GHR: variants seen among roughly 807,000 people sequenced by gnomAD.
GHR encodes the protein growth hormone receptor, also known as GH receptor.
Under a neutral mutation model 67.1 loss-of-function variants are expected in GHR, and 35 were observed. The observed-to-expected ratio is 0.52, with a 90% CI of 0.40 to 0.69. The LOEUF (loss-of-function observed/expected upper bound fraction) is 0.69, where lower values mean the gene tolerates loss of function less well. Among genes scored for constraint, GHR ranks in the 30% least tolerant of loss-of-function variants. The pLI, the probability that GHR is intolerant of heterozygous loss-of-function variation, is 0.00. For synonymous variants in GHR, 272 were observed against 269.1 expected (o/e 1.01, Z -0.10); for missense variants, 792 against 764.6 (o/e 1.04, Z -0.42).
chr5:42,711,362 A>T lies in GHR; in HGVS notation c.774A>T (p.Thr258=), dbSNP rs2111818798. ...CACTTCCTCAGATGAGCCAATTTAC[A>T]TGTGAAGAAGGTAAAAGAAATAAAA... ...YVTLPQMSQF[T]CEEDFYFPWL... The change falls in exon 7 of 10, where the codon ACA becomes ACT. Residue 258 remains threonine (T), a synonymous_variant. Coordinates refer to ENST00000230882, the MANE Select transcript of GHR (RefSeq NM_000163.5). The T allele has an allele frequency of 6.2e-7, 1 of 1,609,956 alleles. No individual in the cohort carries two copies. Among genetic ancestry groups the T allele is most frequent in the South Asian group, 1.1e-5 (1 of 90,998 alleles).
chr5:42,551,310 G>A (rs981752156), intron 1 of GHR, among the ~76,000 whole-genome samples: 1 of 152,214 alleles, frequency 6.6e-6, no homozygotes, highest in African/African-American at 2.4e-5. Flanking sequence ...AAAAAACAAT[G>A]TAGGCACAGA....
At chr5:42,579,141 GATAGATAGAT>G (rs1750992156) in intron 2 of GHR, among the ~76,000 whole-genome samples, 3 of 32,254 alleles carry the variant, frequency 9.3e-5, no homozygotes, top group Non-Finnish European at 1.4e-4. Context: ...ATAGATAGAT[GATAGATAGAT>G]ATAGATAGAT....
chr5:42,664,281 G>A (rs1447614099), intron 3 of GHR, among the ~76,000 whole-genome samples: 4 of 152,120 alleles, frequency 2.6e-5, no homozygotes, highest in African/African-American at 7.2e-5. Context: ...AGCCTGCATC[G>A]CCAAGTCAAT....
At chr5:42,715,436 C>G (rs1465812564) in intron 8 of GHR, among the ~76,000 whole-genome samples, 1 of 152,132 alleles carries the variant, frequency 6.6e-6, no homozygotes, top group African/African-American at 2.4e-5. Context: ...ATTCATTATC[C>G]AACCCACTTC....
At chr5:42,670,384 A>G (rs1188348258) in intron 3 of GHR, among the ~76,000 whole-genome samples, 1 of 152,228 alleles carries the variant, frequency 6.6e-6, no homozygotes, top group Non-Finnish European at 1.5e-5. Flanking sequence ...AATAGATTAA[A>G]GACTTAAACA....
chr5:42,607,409 G>A (rs1261781837), intron 2 of GHR, among the ~76,000 whole-genome samples: 4 of 152,264 alleles, frequency 2.6e-5, no homozygotes, highest in Middle Eastern at 3.4e-3. Context: ...GATGTGCCTG[G>A]GTGGTGCTAT....
At chr5:42,501,836 C>T (rs1295263944) in intron 1 of GHR, among the ~76,000 whole-genome samples, 1 of 152,174 alleles carries the variant, frequency 6.6e-6, no homozygotes, top group Non-Finnish European at 1.5e-5. Context: ...AAAATAAGCT[C>T]TTCCACAAAC....
At chr5:42,608,413 A>G (rs948884582) in intron 2 of GHR, among the ~76,000 whole-genome samples, 3 of 152,140 alleles carry the variant, frequency 2.0e-5, no homozygotes, top group African/African-American at 7.2e-5. Flanking sequence ...AAATTTATTT[A>G]GTAACCCCTA....
intron 1 of GHR, among the ~76,000 whole-genome samples, chr5:42,519,538 T>G (rs1747383895): frequency 2.0e-5 from 3 of 152,206 alleles, no homozygotes; most frequent in African/African-American, 7.2e-5. Context: ...AAGAGAAGAT[T>G]CTGCAAATTC....
At chr5:42,597,177 T>A (rs1350570458) in intron 2 of GHR, among the ~76,000 whole-genome samples, 1 of 152,092 alleles carries the variant, frequency 6.6e-6, no homozygotes, top group African/African-American at 2.4e-5. Context: ...AAGTTACCAA[T>A]GTGATTGAAA....
At position 42,610,754 on chromosome 5, in the gene GHR, G is replaced by C. The variant is rs184441420; in HGVS notation, c.71-18284G>C. 1.5e-4 allele frequency among the ~76,000 whole-genome samples: 23 copies of C among 152,262 alleles called. No individual in the cohort carries two copies. In the East Asian group the frequency reaches 2.5e-3, roughly 17 times the overall value. ...AGGTAGGGAGGGAGGGAAAGTCTTAGACATCAGTGCAGTGCCAAGAAAGTT... is the reference window on the plus strand; with the variant it reads ...AGGTAGGGAGGGAGGGAAAGTCTTACACATCAGTGCAGTGCCAAGAAAGTT... On this transcript the variant is annotated intron_variant, in intron 2 of 9. Transcript: ENST00000230882.
chr5:42,614,733 G>A (rs1329391650), intron 2 of GHR, among the ~76,000 whole-genome samples: 1 of 151,834 alleles, frequency 6.6e-6, no homozygotes, highest in East Asian at 1.9e-4. Flanking sequence ...TTTCAAATGT[G>A]GTGGGAGTAT....
At chr5:42,522,240 C>A (rs190612506) in intron 1 of GHR, among the ~76,000 whole-genome samples, 1 of 152,214 alleles carries the variant, frequency 6.6e-6, no homozygotes, top group Admixed American at 6.5e-5. Context: ...TGCCGAATTT[C>A]TGTACAAGAA....
intron 1 of GHR, among the ~76,000 whole-genome samples, chr5:42,444,901 C>A (rs921816323): frequency 6.6e-6 from 1 of 152,076 alleles, no homozygotes; most frequent in African/African-American, 2.4e-5. Context: ...TTAAGACTCG[C>A]GATTTCTCTC....
At chr5:42,516,474 C>T (rs1446935068) in intron 1 of GHR, among the ~76,000 whole-genome samples, 3 of 151,992 alleles carry the variant, frequency 2.0e-5, no homozygotes, top group Non-Finnish European at 4.4e-5. Flanking sequence ...TTCAGGGTTC[C>T]CTTTTGCAAC....
intron 6 of GHR, among the ~76,000 whole-genome samples, chr5:42,701,514 A>AT (rs1198625507): frequency 6.6e-6 from 1 of 152,096 alleles, no homozygotes; most frequent in Non-Finnish European, 1.5e-5. Flanking sequence ...TTGGAGCACC[A>AT]TTTTTACTTG....
At chr5:42,465,872 C>T in intron 1 of GHR, 2 of 727,474 alleles carry the variant, frequency 2.7e-6, no homozygotes, top group East Asian at 2.4e-5. Context: ...AAATTCGCCT[C>T]CTTCACCCCT....
intron 3 of GHR, among the ~76,000 whole-genome samples, chr5:42,667,800 G>A (rs1462116341): frequency 6.6e-6 from 1 of 152,200 alleles, no homozygotes; most frequent in Non-Finnish European, 1.5e-5. Context: ...CTTGTGGTAT[G>A]TGGTTGGTAA....
chr5:42,519,094 A>G (rs1747365541), intron 1 of GHR, among the ~76,000 whole-genome samples: 1 of 152,162 alleles, frequency 6.6e-6, no homozygotes, highest in Admixed American at 6.5e-5. Flanking sequence ...CTCTGAAAAG[A>G]TTTCAGCAAT....
Sources: allele counts gnomAD v4.1 joint callset (sites outside exome capture counted in the v4.1 genomes callset), GRCh38; gene constraint gnomAD v4.1.1; transcripts MANE v1.5; gene names NCBI Gene and HGNC (gene_info 2026-07-23, HGNC 2026-07-21).